The following RGS7 variants were observed in gnomAD, a reference collection of about 807,000 sequenced individuals.
The protein encoded by RGS7 is regulator of G protein signaling 7.
Under a neutral mutation model 81.1 loss-of-function variants are expected in RGS7, and 27 were observed. The observed-to-expected ratio is 0.33, with a 90% CI of 0.25 to 0.46. The LOEUF (loss-of-function observed/expected upper bound fraction) is 0.46, where lower values mean the gene tolerates loss of function less well. Ranked by LOEUF, RGS7 falls within the 20% of genes least tolerant of loss-of-function variation. RGS7 has a pLI of 1.00. For synonymous variants in RGS7, 208 were observed against 207.7 expected (o/e 1.00, Z -0.01); for missense variants, 396 against 607.4 (o/e 0.65, Z 3.66).
At chr1:240,840,419 A>G (rs1657722378) in intron 9 of RGS7, among the ~76,000 whole-genome samples, 2 of 152,176 alleles carry the variant, frequency 1.3e-5, no homozygotes, top group South Asian at 4.1e-4. Flanking sequence ...GACTACAGGC[A>G]TGCGCCACCA....
intron 2 of RGS7, among the ~76,000 whole-genome samples, chr1:241,151,952 C>T (rs1313574649): frequency 6.6e-6 from 1 of 152,128 alleles, no homozygotes; most frequent in Non-Finnish European, 1.5e-5. Flanking sequence ...AGGATATGGA[C>T]TGAGCCACCT....
chr1:241,060,635 T>A (rs1284384330), intron 3 of RGS7, among the ~76,000 whole-genome samples: 1 of 152,164 alleles, frequency 6.6e-6, no homozygotes, highest in Admixed American at 6.5e-5. Flanking sequence ...GTATACTCTA[T>A]GAGACGTATC....
chr1:240,889,379 C>T (rs772824818), intron 6 of RGS7, among the ~76,000 whole-genome samples: 1 of 152,062 alleles, frequency 6.6e-6, no homozygotes, highest in African/African-American at 2.4e-5. Flanking sequence ...AAGCAGGGAA[C>T]GTTTCAGAAA....
intron 2 of RGS7, among the ~76,000 whole-genome samples, chr1:241,301,840 T>C (rs1016308291): frequency 5.3e-5 from 8 of 152,232 alleles, no homozygotes; most frequent in Non-Finnish European, 7.3e-5. Context: ...ATTACCTTTA[T>C]CAATTCTAAA....
intron 9 of RGS7, among the ~76,000 whole-genome samples, chr1:240,855,257 A>G (rs1660859335): frequency 1.4e-5 from 2 of 143,662 alleles, no homozygotes; most frequent in African/African-American, 5.2e-5. Context: ...GCGTCCATAG[A>G]TTACACATGC....
At chr1:240,897,706 G>A (rs1233836575) in intron 6 of RGS7, among the ~76,000 whole-genome samples, 2 of 152,086 alleles carry the variant, frequency 1.3e-5, no homozygotes, top group East Asian at 3.8e-4. Context: ...GAGGATTTTT[G>A]CATCAATGTT....
intron 2 of RGS7, among the ~76,000 whole-genome samples, chr1:241,294,660 C>T (rs2079289984): frequency 2.6e-5 from 4 of 152,216 alleles, no homozygotes; most frequent in Non-Finnish European, 5.9e-5. Flanking sequence ...GGCCTGCAAG[C>T]TCCATTCATG....
intron 2 of RGS7, among the ~76,000 whole-genome samples, chr1:241,332,341 T>A (rs1395002811): frequency 6.6e-6 from 1 of 152,198 alleles, no homozygotes; most frequent in Non-Finnish European, 1.5e-5. Context: ...GGTGACGTGA[T>A]CTTGTGTGAA....
Position 240,775,580 on chromosome 1 carries a change from G to A in RGS7, c.*640C>T, listed in dbSNP as rs1224448353. 6.5e-6 allele frequency: 1 copy of A among 153,164 alleles called. No individual in the cohort carries two copies. The highest frequency in any genetic ancestry group is 1.5e-5 in the Non-Finnish European group (1 of 68,508). The allele number at this position is 153,164 out of a possible 1,614,324, so 9.5% of individuals were successfully genotyped here. On this transcript the variant is annotated 3_prime_UTR_variant, in exon 19 of 19. Transcript: ENST00000440928. Reference sequence around the variant, plus strand: ...AAACATACACAAATTTACAGAGAAGGGATCAACTTTAATACATTTGGAGTA... The same window carrying A: ...AAACATACACAAATTTACAGAGAAGAGATCAACTTTAATACATTTGGAGTA...
intron 2 of RGS7, among the ~76,000 whole-genome samples, chr1:241,321,503 C>A (rs950197635): frequency 6.6e-6 from 1 of 152,170 alleles, no homozygotes; most frequent in African/African-American, 2.4e-5. Context: ...TCCAAAGGCA[C>A]ACTGAAAAAT....
chr1:241,332,108 G>A (rs918420440), intron 2 of RGS7, among the ~76,000 whole-genome samples: 3 of 152,090 alleles, frequency 2.0e-5, no homozygotes, highest in African/African-American at 7.2e-5. Context: ...AAAGAGCACC[G>A]TGTAGTTTTT....
At chr1:241,059,133 C>G (rs1447112590) in intron 3 of RGS7, among the ~76,000 whole-genome samples, 1 of 152,230 alleles carries the variant, frequency 6.6e-6, no homozygotes, top group African/African-American at 2.4e-5. Context: ...ATCCACCTCT[C>G]AGGGTGCTAT....
chr1:240,799,488 G>C (rs1188138708), intron 18 of RGS7, among the ~76,000 whole-genome samples: 1 of 151,904 alleles, frequency 6.6e-6, no homozygotes, highest in Non-Finnish European at 1.5e-5. Context: ...CTAACACCCA[G>C]TAGAAATTGT....
chr1:241,278,890 T>C (rs184774546), intron 2 of RGS7, among the ~76,000 whole-genome samples: 4 of 152,244 alleles, frequency 2.6e-5, no homozygotes, highest in Admixed American at 2.6e-4. Context: ...TGAAAATAAA[T>C]CTTATGTTTC....
chr1:241,283,704 T>G (rs1163821342), intron 2 of RGS7, among the ~76,000 whole-genome samples: 2 of 152,190 alleles, frequency 1.3e-5, no homozygotes, highest in Non-Finnish European at 2.9e-5. Context: ...TTTCTTTGAG[T>G]GTTTTTCTAT....
At chr1:241,210,565 C>T (rs1182663941) in intron 2 of RGS7, among the ~76,000 whole-genome samples, 2 of 152,174 alleles carry the variant, frequency 1.3e-5, no homozygotes, top group Admixed American at 6.5e-5. Context: ...TCAAACCCTT[C>T]GTAAAGTTCA....
intron 3 of RGS7, among the ~76,000 whole-genome samples, chr1:241,052,510 ACTCT>A (rs1460698407): frequency 6.6e-6 from 1 of 151,176 alleles, no homozygotes; most frequent in Non-Finnish European, 1.5e-5. Flanking sequence ...ACTACTCTGA[ACTCT>A]TTGCCATAAT....
At chr1:241,321,835 T>C (rs1230190723) in intron 2 of RGS7, among the ~76,000 whole-genome samples, 2 of 152,196 alleles carry the variant, frequency 1.3e-5, no homozygotes, top group Non-Finnish European at 2.9e-5. Flanking sequence ...TGTATAATTC[T>C]CACTCATTAG....
At chr1:241,111,366 T>C (rs1442253538) in intron 2 of RGS7, among the ~76,000 whole-genome samples, 1 of 152,160 alleles carries the variant, frequency 6.6e-6, no homozygotes, top group African/African-American at 2.4e-5. Flanking sequence ...CGTACATCCA[T>C]AAATGTTGAT....
Sources: gnomAD v4.1 joint callset for allele counts (sites outside exome capture counted in the v4.1 genomes callset) on GRCh38, gnomAD v4.1.1 for gene constraint, MANE v1.5 for transcripts, NCBI Gene and HGNC (gene_info 2026-07-23, HGNC 2026-07-21) for gene names.